The following DOCK7 variants were observed in gnomAD, a reference collection of about 807,000 sequenced individuals.
DOCK7 encodes dedicator of cytokinesis 7.
A neutral mutation model predicts 271.0 loss-of-function variants in DOCK7; 138 were observed. The observed-to-expected ratio is 0.51, with a 90% CI of 0.44 to 0.59. The LOEUF (loss-of-function observed/expected upper bound fraction) is 0.59, where lower values mean the gene tolerates loss of function less well. DOCK7 is among the 20% of genes least tolerant of loss of function. The pLI is 0.00. For missense variants in DOCK7, 2,066 were observed against 2,592.4 expected (o/e 0.80, Z 4.41); for synonymous variants, 823 against 876.1 (o/e 0.94, Z 1.07).
At chr1:62,561,227 C>G (rs1025101288) in intron 19 of DOCK7, among the ~76,000 whole-genome samples, 1 of 152,140 alleles carries the variant, frequency 6.6e-6, no homozygotes, top group Non-Finnish European at 1.5e-5. Context: ...CCTATCAGAA[C>G]TTGGTATATT....
chr1:62,509,079 T>A (rs968257904), intron 34 of DOCK7, among the ~76,000 whole-genome samples: 1 of 152,036 alleles, frequency 6.6e-6, no homozygotes, highest in East Asian at 1.9e-4. Flanking sequence ...TAAAAGCACT[T>A]TGAAAGGCTG....
chr1:62,622,471 T>A (rs1207831362), intron 12 of DOCK7, among the ~76,000 whole-genome samples: 1 of 152,166 alleles, frequency 6.6e-6, no homozygotes, highest in Non-Finnish European at 1.5e-5. Flanking sequence ...TTATTTATTT[T>A]GAGACAAGGC....
At chr1:62,561,784 A>C in intron 18 of DOCK7, 81 bp from the exon 19 acceptor site, 2 of 722,786 alleles carry the variant, frequency 2.8e-6, no homozygotes, top group Non-Finnish European at 4.3e-6. Flanking sequence ...ACAATATCCC[A>C]ATGAGAAAAA....
At chr1:62,641,477 G>A in intron 7 of DOCK7, 1 of 433,100 alleles carries the variant, frequency 2.3e-6, no homozygotes, top group African/African-American at 2.0e-5. Context: ...GCTTCACATG[G>A]TCCACCAAAA....
chr1:62,685,148 C>A (rs1346949692), intron 1 of DOCK7, among the ~76,000 whole-genome samples: 1 of 152,142 alleles, frequency 6.6e-6, no homozygotes, highest in Non-Finnish European at 1.5e-5. Context: ...GTTCTAAGCA[C>A]TTTAGAGGTA....
intron 4 of DOCK7, among the ~76,000 whole-genome samples, chr1:62,650,867 C>G (rs1657251336): frequency 6.6e-6 from 1 of 152,282 alleles, no homozygotes; most frequent in Non-Finnish European, 1.5e-5. Context: ...CTAGTTCAAC[C>G]ACTGTGGAAG....
chr1:62,487,162 C>A (rs1034220243), intron 43 of DOCK7: 6 of 350,946 alleles, frequency 1.7e-5, no homozygotes, highest in Non-Finnish European at 3.2e-5. Flanking sequence ...GGCTCATTTA[C>A]CAAAGAATCT....
chr1:62,485,332 GAGTTATCTTTCACACACACACACA>G (rs1167931889), intron 43 of DOCK7: 1 of 985,042 alleles, frequency 1.0e-6, no homozygotes, highest in African/African-American at 1.8e-5. Flanking sequence ...CTAAGTTTTA[GAGTTATCTTTCACACACACACACA>G]CACACCCTTC....
chr1:62,457,731 A>C, intron 48 of DOCK7, 26 bp from the exon 49 acceptor site: 1 of 1,605,616 alleles, frequency 6.2e-7, no homozygotes, highest in Non-Finnish European at 8.5e-7. Flanking sequence ...TGTTATCAAG[A>C]TATTACTTCT....
At chr1:62,472,710 G>C (rs1163235386) in intron 48 of DOCK7, among the ~76,000 whole-genome samples, 1 of 152,182 alleles carries the variant, frequency 6.6e-6, no homozygotes, top group East Asian at 1.9e-4. Context: ...ATTAATGCCA[G>C]AAATCAGTCA....
rs191026711 is a variant in DOCK7, at chr1:62,624,029, C to T, written c.1425+1230G>A. 6.6e-4 allele frequency among the ~76,000 whole-genome samples: 100 copies of T among 152,248 alleles called. 2 individuals carry two copies. The highest frequency in any genetic ancestry group is 6.8e-3 in the Middle Eastern group (2 of 294). ...AATGGAATTTTGAAGGAATTACTAG[C>T]ATTTTCCCTTAATCCACTCCAAAAC... On this transcript the variant is annotated intron_variant, in intron 12 of 49. Coordinates refer to ENST00000635253, the MANE Select transcript of DOCK7 (RefSeq NM_001367561.1).
chr1:62,639,426 C>CTTTTTTTTTTTTTTTTTTTTTT lies in DOCK7; in HGVS notation c.819-2845_819-2824dup, dbSNP rs386367151. Among the ~76,000 whole-genome samples, 4 of 75,880 alleles carry CTTTTTTTTTTTTTTTTTTTTTT rather than the reference C, an allele frequency of 5.3e-5. 1 individual carries two copies. Among genetic ancestry groups the CTTTTTTTTTTTTTTTTTTTTTT allele is most frequent in the African/African-American group, 2.4e-4 (4 of 16,992 alleles). The allele number at this position is 75,880 out of a possible 152,430, so 49.8% of individuals were successfully genotyped here. A position where few individuals can be genotyped will look rare whatever the true frequency, so the allele number is the denominator to read the frequency against. On this transcript the variant is annotated intron_variant, in intron 7 of 49. Coordinates refer to ENST00000635253, the MANE Select transcript of DOCK7 (RefSeq NM_001367561.1). ...AACTTAGTGCAAACTTTGTAATACT[C>CTTTTTTTTTTTTTTTTTTTTTT]TTTTTTTTTTTTTTTTTTTTTTTTT...
chr1:62,539,763 G>A lies in DOCK7; in HGVS notation c.3175C>T (p.Arg1059Ter), dbSNP rs1252995089. The A allele has an allele frequency of 2.5e-6, 4 of 1,612,658 alleles. No homozygotes were observed. Among genetic ancestry groups the A allele is most frequent in the African/African-American group, 1.3e-5 (1 of 74,846 alleles). The change falls in exon 26 of 50, where the codon CGA becomes TGA. Residue 1059 changes from arginine (R) to a stop codon, truncating the protein, a stop_gained. Transcript: ENST00000635253. LOFTEE classifies it high-confidence loss of function. ...VSTIASDIVS[R>*]FQKDTEMVER... The stretch of plus-strand genomic sequence containing the variant: ...AAAGTTATCATTACCTTCTGAAATC[G>A]TGAAACTATATCACTAGCAATCGTG...
intron 15 of DOCK7, among the ~76,000 whole-genome samples, chr1:62,585,902 T>C (rs1647441413): frequency 6.6e-6 from 1 of 152,106 alleles, no homozygotes; most frequent in Non-Finnish European, 1.5e-5. Flanking sequence ...CCTGGTCCAA[T>C]CCCCATACAT....
At position 62,663,092 on chromosome 1, in the gene DOCK7, T is replaced by C. The variant is rs777489951; in HGVS notation, c.77A>G (p.Gln26Arg). 6.2e-7 allele frequency: 1 copy of C among 1,613,520 alleles called. No individual in the cohort carries two copies. The highest frequency in any genetic ancestry group is 8.5e-7 in the Non-Finnish European group (1 of 1,179,770). The change falls in exon 2 of 50, where the codon CAA becomes CGA. Residue 26 changes from glutamine to arginine, a missense_variant. Physicochemically the swap from Gln to Arg is conservative, Grantham distance 43 (BLOSUM62 1). Coordinates refer to ENST00000635253, the MANE Select transcript of DOCK7 (RefSeq NM_001367561.1). ...AAEVRKQISG[Q>R]YSGSPQLLKN... ...GAGCAGTTGGGGAGAACCACTATATTGTCCGGAGATCTGCTTCCTAACTTC... is the reference window on the plus strand; with the variant it reads ...GAGCAGTTGGGGAGAACCACTATATCGTCCGGAGATCTGCTTCCTAACTTC...
chr1:62,522,744 T>C (rs193096862), intron 31 of DOCK7, among the ~76,000 whole-genome samples: 278 of 152,204 alleles, frequency 1.8e-3, no homozygotes, highest in African/African-American at 6.4e-3. Context: ...ACAAATTATA[T>C]GATTGTGTGT....
intron 18 of DOCK7, among the ~76,000 whole-genome samples, chr1:62,563,101 C>A (rs917980611): frequency 7.2e-5 from 11 of 152,086 alleles, no homozygotes; most frequent in African/African-American, 2.4e-4. Context: ...CAAGGTGCCC[C>A]CCTCCCTCAC....
intron 29 of DOCK7, among the ~76,000 whole-genome samples, chr1:62,533,862 GC>G: frequency 6.6e-6 from 1 of 151,900 alleles, no homozygotes; most frequent in African/African-American, 2.4e-5. Flanking sequence ...TTTCGTTCTT[GC>G]ATGAGGCTAA....
chr1:62,688,364 C>T lies in DOCK7; in HGVS notation c.-100G>A, dbSNP rs1392660926. 1 of 786,356 alleles carries T rather than the reference C, an allele frequency of 1.3e-6. No homozygotes were observed. The highest frequency in any genetic ancestry group is 6.0e-5 in the South Asian group (1 of 16,674). The allele number at this position is 786,356 out of a possible 1,614,324, so 48.7% of individuals were successfully genotyped here. A position where few individuals can be genotyped will look rare whatever the true frequency, so the allele number is the denominator to read the frequency against. On this transcript the variant is annotated 5_prime_UTR_variant, in exon 1 of 50. Transcript: ENST00000635253. ...GCTCGTGCTCCCTCCCTCGCGGCCT[C>T]CGCCAGTCCGGGCTCCGGACCTGGG...
Sources: gnomAD v4.1 joint callset for allele counts (sites outside exome capture counted in the v4.1 genomes callset) on GRCh38, gnomAD v4.1.1 for gene constraint, MANE v1.5 for transcripts, NCBI Gene and HGNC (gene_info 2026-07-23, HGNC 2026-07-21) for gene names.